Variants in MED13L observed in about 807,000 individuals in gnomAD.
The protein encoded by MED13L is mediator of RNA polymerase II transcription subunit 13-like.
A neutral mutation model predicts 220.9 loss-of-function variants in MED13L; 7 were observed. That is an observed-to-expected ratio of 0.03 (90% CI 0.02 to 0.06). The LOEUF is 0.06. Among genes scored for constraint, MED13L ranks in the 10% least tolerant of loss-of-function variants. The pLI, the probability that MED13L is intolerant of heterozygous loss-of-function variation, is 1.00. For missense variants in MED13L, 1,965 were observed against 2,760.5 expected, an observed-to-expected ratio of 0.71 and a Z score of 6.46; for synonymous variants, 1,011 against 1,015.2, an observed-to-expected ratio of 1.00 and a Z score of 0.08.
chr12:116,235,415 T>G (rs575716345), intron 2 of MED13L, among the ~76,000 whole-genome samples: 1 of 152,168 alleles, frequency 6.6e-6, no homozygotes, highest in Non-Finnish European at 1.5e-5. Context: ...AATACTACAT[T>G]TAATTAGAAA....
chr12:116,260,652 A>C (rs1872445023), intron 1 of MED13L, among the ~76,000 whole-genome samples: 2 of 152,184 alleles, frequency 1.3e-5, no homozygotes, highest in South Asian at 4.1e-4. Flanking sequence ...CAAAACAAGC[A>C]ATAAGTACCA....
At chr12:116,139,159 A>AC (rs1044959723) in intron 2 of MED13L, among the ~76,000 whole-genome samples, 4 of 151,890 alleles carry the variant, frequency 2.6e-5, no homozygotes, top group African/African-American at 9.7e-5. Context: ...CTAAGCAAAG[A>AC]CCCCCTGAGT....
At chr12:116,203,416 T>G (rs1035019094) in intron 2 of MED13L, among the ~76,000 whole-genome samples, 8 of 107,640 alleles carry the variant, frequency 7.4e-5, no homozygotes, top group East Asian at 4.2e-4. Context: ...TTGTTTTGTG[T>G]TTTTTTTTTT....
At chr12:116,026,502 A>G (rs1880401816) in intron 4 of MED13L, among the ~76,000 whole-genome samples, 1 of 152,276 alleles carries the variant, frequency 6.6e-6, no homozygotes, top group Non-Finnish European at 1.5e-5. Context: ...ATAGATGTAA[A>G]AGCACCTGTT....
At chr12:116,140,821 A>G (rs1325551071) in intron 2 of MED13L, among the ~76,000 whole-genome samples, 1 of 152,174 alleles carries the variant, frequency 6.6e-6, no homozygotes, top group Non-Finnish European at 1.5e-5. Context: ...CTTCTAACTA[A>G]AGTCCATCCT....
rs1312330093 is a variant in MED13L at position 116,031,705 on chromosome 12, GAAAA to G, written c.480-9108_480-9105del. On this transcript the variant is annotated intron_variant, in intron 4 of 30. Transcript: ENST00000281928. ...GAAAAGAAAAGAAAAGAAAAGAAAA[GAAAA>G]GAAAAGAAAAGAAAAGAAAAGAAAA... Among the ~76,000 whole-genome samples, 34 of 32,980 alleles carry G rather than the reference GAAAA, an allele frequency of 1.0e-3. 1 individual carries two copies. Among genetic ancestry groups the G allele is most frequent in the Non-Finnish European group, 1.6e-3 (24 of 14,852 alleles). The allele number at this position is 32,980 out of a possible 152,430, so 21.6% of individuals were successfully genotyped here.
intron 9 of MED13L, among the ~76,000 whole-genome samples, chr12:116,009,956 CG>C (rs1879292236): frequency 6.6e-6 from 1 of 152,056 alleles, no homozygotes; most frequent in Non-Finnish European, 1.5e-5. Flanking sequence ...AAATCATTCC[CG>C]GGGAAAAATA....
At chr12:116,004,782 T>C (rs1272529016) in intron 13 of MED13L, among the ~76,000 whole-genome samples, 2 of 152,196 alleles carry the variant, frequency 1.3e-5, no homozygotes, top group Non-Finnish European at 2.9e-5. Flanking sequence ...ATCTTCTAAG[T>C]ACTTATAACA....
At chr12:116,182,344 C>G (rs1880584846) in intron 2 of MED13L, among the ~76,000 whole-genome samples, 1 of 152,178 alleles carries the variant, frequency 6.6e-6, no homozygotes, top group African/African-American at 2.4e-5. Flanking sequence ...CAAAACTAAC[C>G]ATTTTCTTAG....
At chr12:116,159,841 T>C (rs1172142861) in intron 2 of MED13L, among the ~76,000 whole-genome samples, 1 of 152,208 alleles carries the variant, frequency 6.6e-6, no homozygotes, top group Non-Finnish European at 1.5e-5. Context: ...TAACTGATTC[T>C]CAAGAGAAAG....
chr12:116,032,340 G>T (rs1038792584), intron 4 of MED13L, among the ~76,000 whole-genome samples: 1 of 152,092 alleles, frequency 6.6e-6, no homozygotes, highest in Non-Finnish European at 1.5e-5. Flanking sequence ...CAACCTGCTA[G>T]TATCACTATT....
At chr12:116,217,526 T>A (rs1014718572) in intron 2 of MED13L, among the ~76,000 whole-genome samples, 1 of 151,974 alleles carries the variant, frequency 6.6e-6, no homozygotes, top group Non-Finnish European at 1.5e-5. Context: ...CTTACAAAAG[T>A]CAAAAAAATT....
chr12:115,978,321 TTTTTC>T (rs1453223088), intron 23 of MED13L, among the ~76,000 whole-genome samples: 1 of 150,734 alleles, frequency 6.6e-6, no homozygotes, highest in Non-Finnish European at 1.5e-5. Flanking sequence ...TGTACAATTT[TTTTTC>T]TTTTTTTTTT....
intron 14 of MED13L, among the ~76,000 whole-genome samples, chr12:116,002,031 T>C (rs1878776811): frequency 6.6e-6 from 1 of 152,254 alleles, no homozygotes; most frequent in Admixed American, 6.5e-5. Context: ...CCTGCACATA[T>C]CTATTTTAAT....
chr12:116,231,274 C>T (rs1869531795), intron 2 of MED13L, among the ~76,000 whole-genome samples: 1 of 152,108 alleles, frequency 6.6e-6, no homozygotes, highest in Admixed American at 6.5e-5. Flanking sequence ...CAGACACTAC[C>T]TTAATCAAGG....
At position 116,245,950 on chromosome 12, in the gene MED13L, T is replaced by G. The variant is rs1871060143; in HGVS notation, c.73-8245A>C. On this transcript the variant is annotated intron_variant, in intron 1 of 30. Transcript: ENST00000281928. ...CTCAGAACAATGGATTAAGAAAGAC[T>G]CGCGGAAGGCATATCACTGTAAACT... 2.0e-5 allele frequency among the ~76,000 whole-genome samples: 3 copies of G among 152,146 alleles called. No individual in the cohort carries two copies. In the South Asian group the frequency reaches 6.2e-4, roughly 31 times the overall value.
chr12:116,000,728 CAAT>C (rs1289199550), intron 14 of MED13L, among the ~76,000 whole-genome samples: 1 of 152,120 alleles, frequency 6.6e-6, no homozygotes, highest in African/African-American at 2.4e-5. Context: ...TACTATAACA[CAAT>C]ACTACCTTAA....
intron 13 of MED13L, among the ~76,000 whole-genome samples, chr12:116,003,873 A>C (rs1878893611): frequency 6.6e-6 from 1 of 152,222 alleles, no homozygotes; most frequent in Non-Finnish European, 1.5e-5. Flanking sequence ...ACGAGTAGTA[A>C]GATGAATTAG....
intron 2 of MED13L, among the ~76,000 whole-genome samples, chr12:116,138,996 C>T (rs555656516): frequency 1.6e-4 from 24 of 152,290 alleles, no homozygotes; most frequent in African/African-American, 5.5e-4. Flanking sequence ...TGAAACCTAA[C>T]ATAGTTGAGA....
Sources: gnomAD v4.1 joint callset for allele counts (sites outside exome capture counted in the v4.1 genomes callset) on GRCh38, gnomAD v4.1.1 for gene constraint, MANE v1.5 for transcripts, NCBI Gene and HGNC (gene_info 2026-07-23, HGNC 2026-07-21) for gene names.